The following ANKRD18A variants were observed in gnomAD, a reference collection of about 807,000 sequenced individuals.
The protein encoded by ANKRD18A is ankyrin repeat domain 18A.
ANKRD18A carries 72 observed loss-of-function variants against 110.6 expected under a neutral mutation model. That is an observed-to-expected ratio of 0.65 (90% CI 0.54 to 0.79). ANKRD18A has a LOEUF of 0.79. Among genes scored for constraint, ANKRD18A ranks in the 30% least tolerant of loss-of-function variants. The pLI is 0.00. For synonymous variants in ANKRD18A, 305 were observed against 410.3 expected, an observed-to-expected ratio of 0.74 and a Z score of 3.10; for missense variants, 934 against 1,163.3, an observed-to-expected ratio of 0.80 and a Z score of 2.87.
At chr9:38,606,995 T>A (rs1825388979) in intron 6 of ANKRD18A, among the ~76,000 whole-genome samples, 1 of 151,994 alleles carries the variant, frequency 6.6e-6, no homozygotes, top group Non-Finnish European at 1.5e-5. Context: ...ATTTAAAAAA[T>A]TAATTTATAT....
chr9:38,571,572 C>A lies in ANKRD18A; in HGVS notation c.*473G>T. 1.0e-6 allele frequency: 1 copy of A among 1,003,554 alleles called. No homozygotes were observed. The highest frequency in any genetic ancestry group is 1.2e-6 in the Non-Finnish European group (1 of 839,710). The allele number at this position is 1,003,554 out of a possible 1,614,324, so 62.2% of individuals were successfully genotyped here. A position where few individuals can be genotyped will look rare whatever the true frequency, so the allele number is the denominator to read the frequency against. On this transcript the variant is annotated 3_prime_UTR_variant, in exon 16 of 16. Transcript: ENST00000399703. ...TACTATTGAGCTACAAGAAGAAAAC[C>A]GTAACACTAGTATGGACAAACCTGG...
chr9:38,574,397 T>C (rs1823788330), intron 15 of ANKRD18A, among the ~76,000 whole-genome samples: 1 of 152,200 alleles, frequency 6.6e-6, no homozygotes, highest in African/African-American at 2.4e-5. Flanking sequence ...GTTACAATGA[T>C]TTATATTTTC....
At chr9:38,582,537 C>G (rs1824208310) in intron 12 of ANKRD18A, among the ~76,000 whole-genome samples, 1 of 152,016 alleles carries the variant, frequency 6.6e-6, no homozygotes, top group Non-Finnish European at 1.5e-5. Flanking sequence ...AAAAATAAAC[C>G]TGCACATTTA....
Position 38,603,142 on chromosome 9 carries a change from G to T in ANKRD18A, c.862+17C>A. The T allele has an allele frequency of 2.6e-6, 4 of 1,527,348 alleles. No homozygotes were observed. The Middle Eastern group carries it at 5.0e-4, about 192-fold the overall frequency. 94.6% of individuals were successfully genotyped at this position (1,527,348 alleles called of 1,614,324 possible). ...GTCTCTTTACATGGTTAGGAGTAGA[G>T]AACTCAAGTGTCTTACCTTTTGCAC... On this transcript the variant is annotated intron_variant, in intron 7 of 15. Transcript: ENST00000399703.
At chr9:38,615,496 T>G in intron 3 of ANKRD18A, 98 bp downstream of exon 3, 1 of 1,407,534 alleles carries the variant, frequency 7.1e-7, no homozygotes, top group Non-Finnish European at 9.4e-7. Flanking sequence ...CAAGACATTT[T>G]CATTCAGGAA....
rs1360879196 is a variant in ANKRD18A, at chr9:38,572,066, A to C, written c.2965-7T>G. Reference sequence around the variant, plus strand: ...GTGCTCAACATAGCAAAACCTGGAAAGAAAAAGAAAGGATTATGTTCTTTA... The same window carrying C: ...GTGCTCAACATAGCAAAACCTGGAACGAAAAAGAAAGGATTATGTTCTTTA... On this transcript the variant is annotated splice_polypyrimidine_tract_variant and splice_region_variant and intron_variant, in intron 15 of 15. Transcript: ENST00000399703. The C allele has an allele frequency of 4.5e-6, 7 of 1,570,838 alleles. No homozygotes were observed. The highest frequency in any genetic ancestry group is 6.0e-6 in the Non-Finnish European group (7 of 1,161,542).
At chr9:38,576,350 T>A (rs1823895984) in intron 14 of ANKRD18A, among the ~76,000 whole-genome samples, 1 of 152,124 alleles carries the variant, frequency 6.6e-6, no homozygotes, top group Admixed American at 6.5e-5. Context: ...AACTAAAGCA[T>A]CTCTGAAGGC....
intron 12 of ANKRD18A, among the ~76,000 whole-genome samples, chr9:38,581,575 T>C (rs537060345): frequency 0.021 from 3,260 of 151,996 alleles, 96 homozygotes; most frequent in African/African-American, 0.074. Context: ...AATGAGGAAA[T>C]AAGGAGAAAA....
chr9:38,593,939 T>A (rs1824763784), intron 9 of ANKRD18A, 30 bp from the exon 10 acceptor site: 14 of 1,446,124 alleles, frequency 9.7e-6, no homozygotes, highest in Non-Finnish European at 1.2e-5. Flanking sequence ...ACCAATTTTA[T>A]AAAGTGGCTT....
chr9:38,610,597 G>A (rs144345496), intron 4 of ANKRD18A, among the ~76,000 whole-genome samples, 187 bp from the exon 5 acceptor site: 5,165 of 152,182 alleles, frequency 0.034, 266 homozygotes, highest in African/African-American at 0.12. Context: ...TTACCACCAA[G>A]GCTAAAAGGC....
At chr9:38,595,369 C>T (rs1337056665) in intron 9 of ANKRD18A, 117 bp downstream of exon 9, 6 of 1,015,778 alleles carry the variant, frequency 5.9e-6, no homozygotes, top group Non-Finnish European at 8.2e-6. Flanking sequence ...TGGAATTATA[C>T]AGAATGGTAA....
intron 6 of ANKRD18A, among the ~76,000 whole-genome samples, chr9:38,603,820 C>A (rs1259015116): frequency 6.6e-6 from 1 of 152,226 alleles, no homozygotes; most frequent in East Asian, 1.9e-4. Context: ...TGTTGGCTCC[C>A]TACCCAAGAG....
intron 10 of ANKRD18A, among the ~76,000 whole-genome samples, chr9:38,588,962 A>T (rs3124037): frequency 0.034 from 5,131 of 151,778 alleles, 124 homozygotes; most frequent in African/African-American, 0.059. Context: ...TAAGAGTAGT[A>T]ATATTTACAT....
At chr9:38,615,876 T>C in intron 2 of ANKRD18A, 54 bp downstream of exon 2, 1 of 1,523,010 alleles carries the variant, frequency 6.6e-7, no homozygotes, top group South Asian at 1.3e-5. Flanking sequence ...TCATTTTAAT[T>C]CTATGTATTT....
chr9:38,577,267 A>G lies in ANKRD18A; in HGVS notation c.2530-3T>C. 2.6e-6 allele frequency: 4 copies of G among 1,517,896 alleles called. No individual in the cohort carries two copies. The highest frequency in any genetic ancestry group is 3.5e-6 in the Non-Finnish European group (4 of 1,133,426). 94.0% of individuals were successfully genotyped at this position (1,517,896 alleles called of 1,614,324 possible). ...TGTTTTTCATATTCTGCTTGTTTCT[A>G]AAACAAATGAAAAGAATACACTTTT... is the stretch of plus-strand genomic sequence containing the variant. On this transcript the variant is annotated splice_polypyrimidine_tract_variant and splice_region_variant and intron_variant, in intron 13 of 15. Transcript: ENST00000399703.
In ANKRD18A at chr9:38,586,168, A is replaced by C; in HGVS notation, c.2247+15T>G. 4 of 1,586,838 alleles carry C rather than the reference A, an allele frequency of 2.5e-6. No individual in the cohort carries two copies. Among genetic ancestry groups the C allele is most frequent in the Non-Finnish European group, 3.4e-6 (4 of 1,167,238 alleles). ...ATCTAGACCTTAAGATAAAATAATA[A>C]TTTTTTAAAATTACCTTCTGTTTTA... On this transcript the variant is annotated intron_variant, in intron 12 of 15. Transcript: ENST00000399703.
At chr9:38,589,745 G>A (rs1360584478) in intron 10 of ANKRD18A, among the ~76,000 whole-genome samples, 2 of 152,184 alleles carry the variant, frequency 1.3e-5, no homozygotes, top group African/African-American at 4.8e-5. Context: ...TGTTGGCCAT[G>A]CTGGTATTGA....
At chr9:38,578,192 G>C in intron 12 of ANKRD18A, 44 bp from the exon 13 acceptor site, 3 of 1,497,616 alleles carry the variant, frequency 2.0e-6, no homozygotes, top group Non-Finnish European at 2.7e-6. Context: ...AGTAGGCTGA[G>C]AATAATCCAA....
intron 3 of ANKRD18A, among the ~76,000 whole-genome samples, chr9:38,614,664 A>T (rs1237840285): frequency 6.6e-6 from 1 of 152,166 alleles, no homozygotes; most frequent in Admixed American, 6.5e-5. Context: ...ATGTGGCCAG[A>T]GAGGAGTATG....
Sources: allele counts gnomAD v4.1 joint callset (sites outside exome capture counted in the v4.1 genomes callset), GRCh38; gene constraint gnomAD v4.1.1; transcripts MANE v1.5; gene names NCBI Gene and HGNC (gene_info 2026-07-23, HGNC 2026-07-21).